Variants in FLRT1 observed in about 807,000 individuals in gnomAD.
FLRT1 encodes the protein fibronectin leucine rich transmembrane protein 1, also known as leucine-rich repeat transmembrane protein FLRT1.
Under a neutral mutation model 30.9 loss-of-function variants are expected in FLRT1, and 14 were observed. The observed-to-expected ratio is 0.45, with a 90% CI of 0.30 to 0.71. The LOEUF is 0.71. Ranked by LOEUF, FLRT1 falls within the 30% of genes least tolerant of loss-of-function variation. FLRT1 has a pLI of 0.08. For synonymous variants in FLRT1, 368 were observed against 430.4 expected (o/e 0.85, Z 1.80); for missense variants, 737 against 949.2 (o/e 0.78, Z 2.94).
chr11:64,049,276 C>T (rs569906247), intron 1 of FLRT1, among the ~76,000 whole-genome samples: 4 of 152,190 alleles, frequency 2.6e-5, no homozygotes, highest in South Asian at 2.1e-4. Flanking sequence ...CACAGAGAAG[C>T]GAAAAAGGGA....
At chr11:64,053,137 AG>A (rs1943724278) in intron 1 of FLRT1, among the ~76,000 whole-genome samples, 1 of 152,172 alleles carries the variant, frequency 6.6e-6, no homozygotes, top group Non-Finnish European at 1.5e-5. Flanking sequence ...TGCAGTCACC[AG>A]GCTCATGCGG....
intron 2 of FLRT1, among the ~76,000 whole-genome samples, chr11:64,106,777 C>T (rs1944769634): frequency 6.6e-6 from 1 of 152,258 alleles, no homozygotes; most frequent in Non-Finnish European, 1.5e-5. Context: ...GGACTGTCCC[C>T]AGCCCTGCTG....
intron 1 of FLRT1, among the ~76,000 whole-genome samples, chr11:64,077,367 G>T (rs536573736): frequency 1.3e-5 from 2 of 152,300 alleles, no homozygotes; most frequent in South Asian, 4.1e-4. Flanking sequence ...GGAATTGGGG[G>T]CCCCTGTCAC....
At chr11:64,072,609 C>A (rs1465870893) in intron 1 of FLRT1, among the ~76,000 whole-genome samples, 1 of 152,232 alleles carries the variant, frequency 6.6e-6, no homozygotes, top group Admixed American at 6.5e-5. Context: ...TTGGTCTCCA[C>A]AAACATCAGA....
At chr11:64,069,351 C>T (rs1944063749) in intron 1 of FLRT1, among the ~76,000 whole-genome samples, 1 of 152,168 alleles carries the variant, frequency 6.6e-6, no homozygotes, top group South Asian at 2.1e-4. Context: ...AGGAGGCTGC[C>T]AGAGGATGGG....
At chr11:64,091,689 G>A (rs1406840047) in intron 1 of FLRT1, among the ~76,000 whole-genome samples, 1 of 152,208 alleles carries the variant, frequency 6.6e-6, no homozygotes, top group Non-Finnish European at 1.5e-5. Context: ...GGGCACAGCT[G>A]CTGAAGTTGC....
intron 1 of FLRT1, among the ~76,000 whole-genome samples, chr11:64,063,381 G>T (rs1943939184): frequency 1.3e-5 from 2 of 152,172 alleles, no homozygotes; most frequent in South Asian, 4.1e-4. Context: ...ATCCAGCAGA[G>T]ACCCATGCCA....
intron 1 of FLRT1, among the ~76,000 whole-genome samples, chr11:64,051,042 A>G (rs530524960): frequency 3.9e-5 from 6 of 152,298 alleles, no homozygotes; most frequent in African/African-American, 1.2e-4. Flanking sequence ...GTAAATTCCA[A>G]GGATTGAGGC....
At chr11:64,110,259 G>A (rs1944837214) in intron 2 of FLRT1, among the ~76,000 whole-genome samples, 2 of 152,014 alleles carry the variant, frequency 1.3e-5, no homozygotes, top group African/African-American at 4.8e-5. Context: ...AGACCAGCCT[G>A]GGCAACATAG....
At chr11:64,070,892 T>C (rs923496774) in intron 1 of FLRT1, among the ~76,000 whole-genome samples, 1 of 152,102 alleles carries the variant, frequency 6.6e-6, no homozygotes, top group African/African-American at 2.4e-5. Context: ...TCTGGGACAC[T>C]TGGGGAAGGG....
chr11:64,039,422 G>C (rs2134382917), intron 1 of FLRT1, among the ~76,000 whole-genome samples: 1 of 152,258 alleles, frequency 6.6e-6, no homozygotes, highest in South Asian at 2.1e-4. Flanking sequence ...GGTGGTAGCG[G>C]GGGGTCCCTC....
chr11:64,117,409 C>T lies in FLRT1; in HGVS notation c.1142C>T (p.Thr381Met), dbSNP rs773930935. 45 of 1,611,994 alleles carry T rather than the reference C, an allele frequency of 2.8e-5. 1 individual carries two copies. Among genetic ancestry groups the T allele is most frequent in the South Asian group, 7.7e-5 (7 of 91,002 alleles). ...AGCGAGATGGACGAGTGTTTTGAGA[C>T]GGGGCCGCAGGGCGGCGTGGCCAAT... ...ITSEMDECFE[T>M]GPQGGVANAA... is the part of the protein sequence containing the mutation. The change falls in exon 3 of 3, where the codon ACG becomes ATG. Residue 381 changes from threonine (T) to methionine (M), a missense_variant. Coordinates refer to ENST00000682287, the MANE Select transcript of FLRT1 (RefSeq NM_013280.5).
At chr11:64,113,879 G>GAAGGATGT (rs1944912947) in intron 2 of FLRT1, among the ~76,000 whole-genome samples, 1 of 149,184 alleles carries the variant, frequency 6.7e-6, no homozygotes, top group Non-Finnish European at 1.5e-5. Flanking sequence ...TACATGGATG[G>GAAGGATGT]ATGGATGGAT....
chr11:64,069,214 C>A (rs2134457093), intron 1 of FLRT1, among the ~76,000 whole-genome samples: 1 of 152,300 alleles, frequency 6.6e-6, no homozygotes, highest in African/African-American at 2.4e-5. Context: ...CGGCCGGGGG[C>A]CCGAGGTGGG....
At chr11:64,053,566 C>T (rs1316608696) in intron 1 of FLRT1, among the ~76,000 whole-genome samples, 1 of 152,120 alleles carries the variant, frequency 6.6e-6, no homozygotes, top group Admixed American at 6.5e-5. Context: ...TCAGACACCA[C>T]AGCACACAAG....
intron 1 of FLRT1, among the ~76,000 whole-genome samples, chr11:64,091,225 C>T (rs1345658778): frequency 2.0e-5 from 3 of 151,956 alleles, no homozygotes; most frequent in Admixed American, 6.6e-5. Context: ...GCCTCCGCTG[C>T]AGGGTCTGCA....
At chr11:64,053,479 G>T (rs1276557402) in intron 1 of FLRT1, among the ~76,000 whole-genome samples, 2 of 152,158 alleles carry the variant, frequency 1.3e-5, no homozygotes, top group Non-Finnish European at 2.9e-5. Context: ...CTGTGGCCCC[G>T]ATGGGAGTGT....
intron 1 of FLRT1, among the ~76,000 whole-genome samples, chr11:64,089,374 G>C (rs1316776276): frequency 3.3e-5 from 5 of 152,182 alleles, no homozygotes. Context: ...AAGTCCCCTA[G>C]ACCTGGGGCA....
intron 1 of FLRT1, among the ~76,000 whole-genome samples, chr11:64,081,264 T>C (rs1162054994): frequency 6.6e-6 from 1 of 152,178 alleles, no homozygotes; most frequent in African/African-American, 2.4e-5. Context: ...TCAGGTGATC[T>C]GCCCACCTCG....
Sources: gnomAD v4.1 joint callset for allele counts (sites outside exome capture counted in the v4.1 genomes callset) on GRCh38, gnomAD v4.1.1 for gene constraint, MANE v1.5 for transcripts, NCBI Gene and HGNC (gene_info 2026-07-23, HGNC 2026-07-21) for gene names.